CTNNA3: variants seen among roughly 807,000 people sequenced by gnomAD.
The protein encoded by CTNNA3 is catenin alpha 3, also known as catenin alpha-3.
A neutral mutation model predicts 95.7 loss-of-function variants in CTNNA3; 76 were observed. That is an observed-to-expected ratio of 0.79 (90% CI 0.66 to 0.96). The LOEUF is 0.96. Ranked by LOEUF, CTNNA3 falls within the 40% of genes least tolerant of loss-of-function variation. The probability of loss-of-function intolerance (pLI) is 0.00; values close to 1 mark genes in which losing one functional copy is unlikely to be tolerated. For missense variants in CTNNA3, 1,191 were observed against 1,089.8 expected, an observed-to-expected ratio of 1.09 and a Z score of -1.31; for synonymous variants, 431 against 374.4, an observed-to-expected ratio of 1.15 and a Z score of -1.74.
intron 13 of CTNNA3, among the ~76,000 whole-genome samples, chr10:66,162,831 G>A (rs1056940525): frequency 6.6e-6 from 1 of 151,772 alleles, no homozygotes; most frequent in Non-Finnish European, 1.5e-5. Flanking sequence ...ACCATCAGGT[G>A]GGGGCAGGGC....
chr10:66,152,543 G>A (rs1012125073), intron 13 of CTNNA3, among the ~76,000 whole-genome samples: 1 of 151,916 alleles, frequency 6.6e-6, no homozygotes, highest in African/African-American at 2.4e-5. Flanking sequence ...CACTGTATCA[G>A]AATGTCTTAT....
chr10:66,075,290 T>C (rs2080528778), intron 14 of CTNNA3, among the ~76,000 whole-genome samples: 1 of 151,722 alleles, frequency 6.6e-6, no homozygotes, highest in African/African-American at 2.4e-5. Flanking sequence ...AAAAGTGACA[T>C]AATAGGAAAA....
chr10:66,955,182 GA>G (rs1263419055), intron 7 of CTNNA3, among the ~76,000 whole-genome samples: 1 of 152,012 alleles, frequency 6.6e-6, no homozygotes, highest in Non-Finnish European at 1.5e-5. Context: ...TTGTTTCCCT[GA>G]AAAGATCCAT....
intron 17 of CTNNA3, among the ~76,000 whole-genome samples, chr10:65,948,683 T>C (rs2077563153): frequency 6.6e-6 from 1 of 152,136 alleles, no homozygotes. Context: ...AATGAAGAAA[T>C]GTCTATTTGA....
chr10:66,022,503 G>A lies in CTNNA3; in HGVS notation c.2160-33706C>T, dbSNP rs1447581610. 3.3e-5 allele frequency among the ~76,000 whole-genome samples: 5 copies of A among 152,002 alleles called. No homozygotes were observed. In the East Asian group the frequency reaches 7.8e-4, roughly 24 times the overall value. The stretch of plus-strand genomic sequence containing the variant: ...ACCTGAGATGCATTAAAAATTACAT[G>A]TCAAATCTACTTTACAGGCAAAGGG... On this transcript the variant is annotated intron_variant, in intron 15 of 17. Transcript: ENST00000433211.
At chr10:66,282,801 G>A (rs1300141813) in intron 12 of CTNNA3, among the ~76,000 whole-genome samples, 1 of 151,842 alleles carries the variant, frequency 6.6e-6, no homozygotes, top group Non-Finnish European at 1.5e-5. Flanking sequence ...GTGTTTACAA[G>A]TTTTCAATTG....
chr10:66,170,241 CTTTTTTTTTTT>C (rs57644952), intron 13 of CTNNA3, among the ~76,000 whole-genome samples: 1 of 73,360 alleles, frequency 1.4e-5, no homozygotes, highest in Non-Finnish European at 2.6e-5. Context: ...TCCTCATTGT[CTTTTTTTTTTT>C]TTTTTTTTTT....
chr10:66,631,440 T>C (rs74143443), intron 9 of CTNNA3, among the ~76,000 whole-genome samples: 5,958 of 152,256 alleles, frequency 0.039, 380 homozygotes, highest in African/African-American at 0.14. Context: ...GACAATGTTG[T>C]TTATTCCCAG....
chr10:66,552,141 G>A (rs1473671601), intron 10 of CTNNA3, among the ~76,000 whole-genome samples: 1 of 151,922 alleles, frequency 6.6e-6, no homozygotes, highest in East Asian at 1.9e-4. Flanking sequence ...CTGACCTCTT[G>A]ATCCACCCGC....
intron 5 of CTNNA3, among the ~76,000 whole-genome samples, chr10:67,341,531 C>A (rs1371453174): frequency 2.8e-4 from 43 of 152,152 alleles, no homozygotes; most frequent in Non-Finnish European, 5.9e-5. Flanking sequence ...GGATCTTATT[C>A]TTTTTTATGG....
intron 12 of CTNNA3, among the ~76,000 whole-genome samples, chr10:66,360,670 C>T (rs371310321): frequency 0.048 from 2,488 of 51,316 alleles, 203 homozygotes; most frequent in African/African-American, 0.1. Context: ...TTCCTTCCTT[C>T]CTTCCTTCCT....
intron 7 of CTNNA3, among the ~76,000 whole-genome samples, chr10:67,102,664 T>C (rs1463009650): frequency 1.3e-5 from 2 of 151,852 alleles, no homozygotes; most frequent in African/African-American, 2.4e-5. Flanking sequence ...CAAATAATAT[T>C]TCAAATGTAT....
chr10:67,018,364 G>A (rs1019776409), intron 7 of CTNNA3, among the ~76,000 whole-genome samples: 8 of 151,962 alleles, frequency 5.3e-5, no homozygotes, highest in Non-Finnish European at 1.2e-4. Context: ...CTTTTTAAAG[G>A]CAACACCCCT....
At chr10:67,590,170 A>G (rs1842749936) in intron 3 of CTNNA3, among the ~76,000 whole-genome samples, 1 of 152,114 alleles carries the variant, frequency 6.6e-6, no homozygotes, top group African/African-American at 2.4e-5. Flanking sequence ...AGTATCATAT[A>G]CTACATTACA....
intron 10 of CTNNA3, among the ~76,000 whole-genome samples, chr10:66,614,637 A>G (rs2132295505): frequency 6.6e-6 from 1 of 152,120 alleles, no homozygotes; most frequent in South Asian, 2.1e-4. Flanking sequence ...ATCTCTTTAT[A>G]CCCAACCACA....
chr10:65,957,789 C>G (rs2077763167), intron 17 of CTNNA3, among the ~76,000 whole-genome samples: 1 of 152,130 alleles, frequency 6.6e-6, no homozygotes, highest in Non-Finnish European at 1.5e-5. Flanking sequence ...CTGTGGGTAA[C>G]CCGACCTTTC....
intron 13 of CTNNA3, among the ~76,000 whole-genome samples, chr10:66,132,773 C>T (rs537611551): frequency 2.0e-5 from 3 of 152,200 alleles, no homozygotes; most frequent in Admixed American, 1.3e-4. Context: ...CTGGAGGACA[C>T]TATCCTTAGC....
At chr10:66,667,117 G>A (rs1589096559) in intron 9 of CTNNA3, among the ~76,000 whole-genome samples, 1 of 151,926 alleles carries the variant, frequency 6.6e-6, no homozygotes, top group East Asian at 1.9e-4. Flanking sequence ...ACTGTTGAAA[G>A]GTATTTTCAC....
At chr10:66,065,320 T>C (rs1483662956) in intron 15 of CTNNA3, among the ~76,000 whole-genome samples, 1 of 152,004 alleles carries the variant, frequency 6.6e-6, no homozygotes, top group African/African-American at 2.4e-5. Flanking sequence ...CTTTTACAAT[T>C]TCATTCTGTC....
Sources: gnomAD v4.1 joint callset for allele counts (sites outside exome capture counted in the v4.1 genomes callset) on GRCh38, gnomAD v4.1.1 for gene constraint, MANE v1.5 for transcripts, NCBI Gene and HGNC (gene_info 2026-07-23, HGNC 2026-07-21) for gene names.